Variants in CNTN6 observed in about 807,000 individuals in gnomAD.
CNTN6 encodes contactin-6.
Under a neutral mutation model 122.8 loss-of-function variants are expected in CNTN6, and 137 were observed. That is an observed-to-expected ratio of 1.12 (90% confidence interval 0.97 to 1.29). The LOEUF (loss-of-function observed/expected upper bound fraction) is 1.29, where lower values mean the gene tolerates loss of function less well. Among genes scored for constraint, CNTN6 ranks in the 50% most tolerant of loss-of-function variants. The pLI is 0.00. For synonymous variants in CNTN6, 570 were observed against 426.0 expected (o/e 1.34, Z -4.16); for missense variants, 1,634 against 1,223.4 (o/e 1.34, Z -5.01).
At chr3:1,117,587 C>T (rs2091775899) in intron 1 of CNTN6, among the ~76,000 whole-genome samples, 2 of 152,106 alleles carry the variant, frequency 1.3e-5, no homozygotes, top group South Asian at 4.1e-4. Context: ...GGAAATGAAC[C>T]TACAACCTGT....
intron 7 of CNTN6, among the ~76,000 whole-genome samples, chr3:1,300,585 G>C (rs1337816928): frequency 8.3e-6 from 1 of 120,946 alleles, no homozygotes; most frequent in Non-Finnish European, 1.6e-5. Flanking sequence ...AAGAAAGAAA[G>C]AAAGAAAGAA....
chr3:1,395,269 C>T (rs1694844640), intron 20 of CNTN6, among the ~76,000 whole-genome samples: 1 of 152,142 alleles, frequency 6.6e-6, no homozygotes, highest in African/African-American at 2.4e-5. Context: ...GCCTTAAACT[C>T]AGTGTTTTAA....
At chr3:1,344,794 G>A (rs1202112052) in intron 11 of CNTN6, among the ~76,000 whole-genome samples, 2 of 152,096 alleles carry the variant, frequency 1.3e-5, no homozygotes, top group East Asian at 3.9e-4. Context: ...AAATTTTCCT[G>A]AATTTTTTGA....
chr3:1,161,799 CACAA>C (rs1483705387), intron 2 of CNTN6, among the ~76,000 whole-genome samples: 4 of 151,114 alleles, frequency 2.6e-5, no homozygotes, highest in South Asian at 2.1e-4. Flanking sequence ...CACACACACA[CACAA>C]ACATATATAT....
intron 5 of CNTN6, among the ~76,000 whole-genome samples, chr3:1,285,904 A>G (rs1402224261): frequency 6.6e-6 from 1 of 152,172 alleles, no homozygotes; most frequent in Non-Finnish European, 1.5e-5. Context: ...GATTTGCCTA[A>G]AATTAGTGTA....
At chr3:1,106,906 T>A (rs1036043552) in intron 1 of CNTN6, among the ~76,000 whole-genome samples, 3 of 152,132 alleles carry the variant, frequency 2.0e-5, no homozygotes, top group African/African-American at 7.2e-5. Context: ...TAAAACAGCG[T>A]TGAGTTACTC....
intron 1 of CNTN6, among the ~76,000 whole-genome samples, chr3:1,116,440 A>T (rs2091721756): frequency 6.6e-6 from 1 of 152,214 alleles, no homozygotes; most frequent in Non-Finnish European, 1.5e-5. Context: ...AAAAGCAATG[A>T]AACTTACAAA....
At chr3:1,253,438 A>G (rs1051320254) in intron 4 of CNTN6, among the ~76,000 whole-genome samples, 13 of 152,278 alleles carry the variant, frequency 8.5e-5, no homozygotes, top group African/African-American at 3.1e-4. Context: ...TGGTTATGTA[A>G]TAGCTGCATA....
chr3:1,242,056 A>T (rs565251974), intron 4 of CNTN6, among the ~76,000 whole-genome samples: 1 of 152,384 alleles, frequency 6.6e-6, no homozygotes, highest in African/African-American at 2.4e-5. Flanking sequence ...TTGAGAGATC[A>T]GTCGGACACG....
At chr3:1,271,582 G>A (rs956251201) in intron 4 of CNTN6, among the ~76,000 whole-genome samples, 1 of 152,128 alleles carries the variant, frequency 6.6e-6, no homozygotes, top group Non-Finnish European at 1.5e-5. Context: ...TACATTCTAT[G>A]TTCACATGCA....
At position 1,245,218 on chromosome 3, in the gene CNTN6, AT is replaced by A. The variant is rs1486798616; in HGVS notation, c.358+17226del. ...ATGTGATATATATATATATATATAT[AT>A]ATATATATATATATATACACACACA... On this transcript the variant is annotated intron_variant, in intron 4 of 22. Coordinates refer to ENST00000446702, the MANE Select transcript of CNTN6 (RefSeq NM_001289080.2). 1.5e-3 allele frequency among the ~76,000 whole-genome samples: 35 copies of A among 23,486 alleles called. 1 individual carries two copies. The highest frequency in any genetic ancestry group is 7.0e-3 in the South Asian group (4 of 574). The allele number at this position is 23,486 out of a possible 152,430, so 15.4% of individuals were successfully genotyped here.
intron 12 of CNTN6, 76 bp from the exon 13 acceptor site, chr3:1,372,223 G>C (rs1206654743): frequency 8.9e-7 from 1 of 1,124,054 alleles, no homozygotes; most frequent in African/African-American, 1.6e-5. Flanking sequence ...GAATGATAAA[G>C]TATTCAGAAA....
chr3:1,122,210 C>A (rs1026736393), intron 1 of CNTN6, among the ~76,000 whole-genome samples: 1 of 151,086 alleles, frequency 6.6e-6, no homozygotes, highest in Non-Finnish European at 1.5e-5. Flanking sequence ...TGTGCATATC[C>A]AGATATACCA....
At position 1,329,766 on chromosome 3, in the gene CNTN6, T is replaced by C. The variant is rs757839143; in HGVS notation, c.1214-19T>C. Reference sequence around the variant, plus strand: ...TTAACTGAGTAATTAAACAATTTTGTCTTTGATTTTGTTTTTAGCCTCAGC... The same window carrying C: ...TTAACTGAGTAATTAAACAATTTTGCCTTTGATTTTGTTTTTAGCCTCAGC... On this transcript the variant is annotated intron_variant, in intron 10 of 22. Coordinates refer to ENST00000446702, the MANE Select transcript of CNTN6 (RefSeq NM_001289080.2). The C allele has an allele frequency of 5.6e-6, 9 of 1,598,544 alleles. No homozygotes were observed. The Admixed American group carries it at 1.6e-4, about 28-fold the overall frequency.
chr3:1,272,933 T>C (rs1017306422), intron 4 of CNTN6, among the ~76,000 whole-genome samples: 7 of 152,218 alleles, frequency 4.6e-5, no homozygotes, highest in Non-Finnish European at 7.3e-5. Context: ...TTGGTGGCCC[T>C]TGTCCCTCCC....
At chr3:1,258,754 A>T (rs1253927721) in intron 4 of CNTN6, among the ~76,000 whole-genome samples, 1 of 152,034 alleles carries the variant, frequency 6.6e-6, no homozygotes, top group Admixed American at 6.6e-5. Context: ...TTCAGGTTTT[A>T]TCTGCTCCAT....
chr3:1,321,293 CTATT>C (rs1700809175), intron 7 of CNTN6, among the ~76,000 whole-genome samples: 1 of 151,714 alleles, frequency 6.6e-6, no homozygotes, highest in Admixed American at 6.6e-5. Flanking sequence ...TCTCTGCACT[CTATT>C]TCTTTTGTTT....
intron 2 of CNTN6, among the ~76,000 whole-genome samples, chr3:1,192,761 G>GA (rs2093721046): frequency 6.6e-6 from 1 of 151,994 alleles, no homozygotes; most frequent in African/African-American, 2.4e-5. Context: ...TGTACAGAAA[G>GA]CCTTAAAACT....
chr3:1,260,478 T>C (rs933485635), intron 4 of CNTN6, among the ~76,000 whole-genome samples: 4 of 152,078 alleles, frequency 2.6e-5, no homozygotes, highest in African/African-American at 9.7e-5. Flanking sequence ...TCTCTGCCTA[T>C]CTTTGACATT....
Sources: gnomAD v4.1 joint callset for allele counts (sites outside exome capture counted in the v4.1 genomes callset) on GRCh38, gnomAD v4.1.1 for gene constraint, MANE v1.5 for transcripts, NCBI Gene and HGNC (gene_info 2026-07-23, HGNC 2026-07-21) for gene names.